Variants in SYT1 observed in about 807,000 individuals in gnomAD.
SYT1 encodes synaptotagmin 1.
Under a neutral mutation model 44.8 loss-of-function variants are expected in SYT1, and 8 were observed. That is an observed-to-expected ratio of 0.18 (90% confidence interval 0.10 to 0.32). The LOEUF (loss-of-function observed/expected upper bound fraction) is 0.32. Among genes scored for constraint, SYT1 ranks in the 10% least tolerant of loss-of-function variants. SYT1 has a pLI of 1.00. For synonymous variants in SYT1, 154 were observed against 188.8 expected, an observed-to-expected ratio of 0.82 and a Z score of 1.51; for missense variants, 286 against 509.3, an observed-to-expected ratio of 0.56 and a Z score of 4.22.
intron 1 of SYT1, among the ~76,000 whole-genome samples, chr12:78,951,718 T>A (rs1374941315): frequency 2.6e-5 from 4 of 152,164 alleles, no homozygotes; most frequent in African/African-American, 9.6e-5. Context: ...AACAAGTTAG[T>A]CAACCTACCA....
intron 3 of SYT1, among the ~76,000 whole-genome samples, chr12:79,116,144 G>T (rs1175411530): frequency 6.6e-6 from 1 of 152,204 alleles, no homozygotes; most frequent in South Asian, 2.1e-4. Flanking sequence ...TCATAGGTTA[G>T]AGTAGGATTA....
chr12:79,318,914 T>C (rs1881225222), intron 8 of SYT1, among the ~76,000 whole-genome samples: 1 of 152,208 alleles, frequency 6.6e-6, no homozygotes, highest in African/African-American at 2.4e-5. Context: ...TTATAACGTA[T>C]TTTTGGATAG....
chr12:79,408,241 G>A (rs1294948938), intron 9 of SYT1, among the ~76,000 whole-genome samples: 1 of 152,052 alleles, frequency 6.6e-6, no homozygotes, highest in Admixed American at 6.6e-5. Flanking sequence ...AGCCAAGGTG[G>A]CTAAATAATA....
intron 3 of SYT1, among the ~76,000 whole-genome samples, chr12:79,132,587 G>A (rs75462175): frequency 0.015 from 2,201 of 149,884 alleles, 43 homozygotes; most frequent in African/African-American, 0.052. Flanking sequence ...ACAATAACAA[G>A]GGCTGGTGAG....
At chr12:79,418,678 G>A (rs1918185) in intron 9 of SYT1, among the ~76,000 whole-genome samples, 3,874 of 152,180 alleles carry the variant, frequency 0.025, 162 homozygotes, top group East Asian at 0.18. Context: ...AGATGTCTGA[G>A]TAGAGAGACA....
At chr12:79,443,937 A>G (rs1870569272) in intron 9 of SYT1, 136 bp from the exon 10 acceptor site, 20 of 909,672 alleles carry the variant, frequency 2.2e-5, no homozygotes, top group Non-Finnish European at 2.9e-5. Flanking sequence ...TCAATAAAAA[A>G]GTATTGAATT....
chr12:79,291,800 T>C (rs1048539472), intron 5 of SYT1: 1 of 684,664 alleles, frequency 1.5e-6, no homozygotes, highest in African/African-American at 1.8e-5. Context: ...TCGCTTCCAT[T>C]TTGCTTGCTG....
chr12:79,222,248 A>G (rs1486004469), intron 4 of SYT1, among the ~76,000 whole-genome samples: 2 of 151,984 alleles, frequency 1.3e-5, no homozygotes, highest in East Asian at 3.9e-4. Flanking sequence ...ATCCTTGACA[A>G]CTTGAGTATA....
At chr12:79,324,062 T>G (rs1186076806) in intron 8 of SYT1, among the ~76,000 whole-genome samples, 1 of 150,612 alleles carries the variant, frequency 6.6e-6, no homozygotes, top group Non-Finnish European at 1.5e-5. Flanking sequence ...GCGATTCTCC[T>G]GCCTCAGCCT....
intron 1 of SYT1, among the ~76,000 whole-genome samples, chr12:78,965,561 A>T (rs1879723890): frequency 6.6e-6 from 1 of 152,210 alleles, no homozygotes; most frequent in Non-Finnish European, 1.5e-5. Context: ...CTAGTAAATC[A>T]AATATCACTT....
chr12:79,151,786 A>G (rs1870288461), intron 3 of SYT1, among the ~76,000 whole-genome samples: 1 of 152,212 alleles, frequency 6.6e-6, no homozygotes, highest in African/African-American at 2.4e-5. Context: ...ACAGCAGGGC[A>G]GTACAGAGGA....
intron 1 of SYT1, among the ~76,000 whole-genome samples, chr12:78,878,525 A>G (rs185272411): frequency 6.6e-6 from 1 of 151,854 alleles, no homozygotes; most frequent in Non-Finnish European, 1.5e-5. Flanking sequence ...AGTGGTGAAT[A>G]AGTTTGAAGA....
At chr12:79,213,590 C>A (rs1231723750) in intron 3 of SYT1, among the ~76,000 whole-genome samples, 1 of 152,154 alleles carries the variant, frequency 6.6e-6, no homozygotes, top group African/African-American at 2.4e-5. Flanking sequence ...AGTAGAATAT[C>A]TTTTTTTCTG....
At chr12:78,900,635 G>A (rs1161997832) in intron 1 of SYT1, among the ~76,000 whole-genome samples, 3 of 152,060 alleles carry the variant, frequency 2.0e-5, no homozygotes, top group Non-Finnish European at 4.4e-5. Flanking sequence ...AGAACTGGAG[G>A]AAGGAAGTGG....
At chr12:79,297,652 G>A (rs1879938228) in intron 7 of SYT1, among the ~76,000 whole-genome samples, 1 of 151,966 alleles carries the variant, frequency 6.6e-6, no homozygotes, top group South Asian at 2.1e-4. Context: ...TTTCAGAAAG[G>A]TTGATCAAAC....
intron 4 of SYT1, among the ~76,000 whole-genome samples, chr12:79,253,771 A>G (rs1245828): frequency 0.71 from 107,921 of 151,916 alleles, 38,860 homozygotes; most frequent in African/African-American, 0.79. Flanking sequence ...TTGAAGGAAA[A>G]GTGCTACTCC....
chr12:79,281,193 C>G (rs1328699622), intron 4 of SYT1, among the ~76,000 whole-genome samples: 1 of 152,046 alleles, frequency 6.6e-6, no homozygotes, highest in African/African-American at 2.4e-5. Context: ...AAAAAGACAC[C>G]TGCACTTATA....
chr12:79,366,064 T>C (rs1883530885), intron 9 of SYT1, among the ~76,000 whole-genome samples: 1 of 152,170 alleles, frequency 6.6e-6, no homozygotes, highest in South Asian at 2.1e-4. Context: ...CAATTAAGCA[T>C]CTGAAAGCTA....
chr12:78,919,379 A>T (rs1318929089), intron 1 of SYT1, among the ~76,000 whole-genome samples: 4 of 152,044 alleles, frequency 2.6e-5, no homozygotes, highest in Non-Finnish European at 5.9e-5. Flanking sequence ...GAGACCAGGG[A>T]GCTGAACACA....
Sources: allele counts gnomAD v4.1 joint callset (sites outside exome capture counted in the v4.1 genomes callset), GRCh38; gene constraint gnomAD v4.1.1; transcripts MANE v1.5; gene names NCBI Gene and HGNC (gene_info 2026-07-23, HGNC 2026-07-21).